The following BRINP1 variants were observed in gnomAD, a reference collection of about 807,000 sequenced individuals.
BRINP1 encodes the protein BMP/retinoic acid-inducible neural-specific protein 1.
A neutral mutation model predicts 72.9 loss-of-function variants in BRINP1; 17 were observed. That is an observed-to-expected ratio of 0.23 (90% CI 0.16 to 0.35). The LOEUF (loss-of-function observed/expected upper bound fraction) is 0.35. Among genes scored for constraint, BRINP1 ranks in the 10% least tolerant of loss-of-function variants. BRINP1 has a pLI of 1.00. For missense variants in BRINP1, 850 were observed against 1,001.6 expected (o/e 0.85, Z 2.04); for synonymous variants, 418 against 378.5 (o/e 1.10, Z -1.21).
chr9:119,278,348 C>T (rs533778280), intron 2 of BRINP1, among the ~76,000 whole-genome samples: 13 of 152,204 alleles, frequency 8.5e-5, no homozygotes, highest in Non-Finnish European at 1.6e-4. Context: ...TGAACCATTC[C>T]CTACACAGTC....
chr9:119,274,848 G>T (rs914650), intron 2 of BRINP1, among the ~76,000 whole-genome samples: 28,370 of 151,854 alleles, frequency 0.19, 3,120 homozygotes, highest in South Asian at 0.28. Context: ...TCTAATTAAG[G>T]TATAGATATA....
chr9:119,302,978 T>C (rs1830954753), intron 2 of BRINP1, among the ~76,000 whole-genome samples: 1 of 152,142 alleles, frequency 6.6e-6, no homozygotes, highest in African/African-American at 2.4e-5. Context: ...TGCATACACA[T>C]TAGTAGAGAC....
chr9:119,257,642 G>C (rs1310881948), intron 2 of BRINP1, among the ~76,000 whole-genome samples: 1 of 152,172 alleles, frequency 6.6e-6, no homozygotes, highest in Admixed American at 6.5e-5. Flanking sequence ...CTCTGGGACA[G>C]CTTCTGCTAT....
At position 119,296,993 on chromosome 9, in the gene BRINP1, G is replaced by T. The variant is rs183755040; in HGVS notation, c.218+16145C>A. Among the ~76,000 whole-genome samples, 5 of 152,214 alleles carry T rather than the reference G, an allele frequency of 3.3e-5. No individual in the cohort carries two copies. The East Asian group carries it at 7.7e-4, about 24-fold the overall frequency. ...ATGCTATATTATATTCTTGAAATTT[G>T]CTAAGAGAATAATCTTAAGTGTTCT... On this transcript the variant is annotated intron_variant, in intron 2 of 7. Coordinates refer to ENST00000265922, the MANE Select transcript of BRINP1 (RefSeq NM_014618.3).
chr9:119,336,698 C>T (rs540592314), intron 1 of BRINP1, among the ~76,000 whole-genome samples: 1 of 152,106 alleles, frequency 6.6e-6, no homozygotes, highest in Non-Finnish European at 1.5e-5. Context: ...CTGGTCTGCT[C>T]TCAGCAGGTC....
intron 5 of BRINP1, among the ~76,000 whole-genome samples, chr9:119,222,492 C>G (rs191483954): frequency 4.6e-5 from 7 of 152,142 alleles, no homozygotes; most frequent in Admixed American, 4.6e-4. Flanking sequence ...AGATGACCAT[C>G]AAGATTTTTT....
At chr9:119,237,603 C>T (rs1051151315) in intron 5 of BRINP1, among the ~76,000 whole-genome samples, 1 of 151,886 alleles carries the variant, frequency 6.6e-6, no homozygotes, top group Non-Finnish European at 1.5e-5. Flanking sequence ...ACCTCGTGAT[C>T]CGCCCGCCTC....
chr9:119,262,769 T>C (rs1051981146), intron 2 of BRINP1, among the ~76,000 whole-genome samples: 2 of 151,924 alleles, frequency 1.3e-5, no homozygotes, highest in African/African-American at 4.8e-5. Context: ...AGACAAGTAA[T>C]GATTCCTCTT....
intron 1 of BRINP1, among the ~76,000 whole-genome samples, chr9:119,338,383 T>C (rs951344141): frequency 3.3e-5 from 5 of 151,924 alleles, no homozygotes; most frequent in African/African-American, 1.2e-4. Context: ...ATATCTCTTG[T>C]CTACTCTTAA....
At chr9:119,281,696 C>G (rs2118962822) in intron 2 of BRINP1, among the ~76,000 whole-genome samples, 1 of 152,138 alleles carries the variant, frequency 6.6e-6, no homozygotes, top group East Asian at 1.9e-4. Context: ...ATAAATCTAG[C>G]ATTTATGCAT....
chr9:119,284,250 C>T (rs1419173878), intron 2 of BRINP1, among the ~76,000 whole-genome samples: 2 of 152,284 alleles, frequency 1.3e-5, no homozygotes, highest in East Asian at 3.9e-4. Flanking sequence ...TTTACAAATT[C>T]CATACTATCC....
At position 119,175,111 on chromosome 9, in the gene BRINP1, G is replaced by A. The variant is rs193188012; in HGVS notation, c.1146-6887C>T. Among the ~76,000 whole-genome samples, 217 of 53,652 alleles carry A rather than the reference G, an allele frequency of 4.0e-3. 6 individuals carry two copies. The East Asian group carries it at 0.11, about 28-fold the overall frequency. 35.2% of individuals were successfully genotyped at this position (53,652 alleles called of 152,430 possible). On this transcript the variant is annotated intron_variant, in intron 7 of 7. Coordinates refer to ENST00000265922, the MANE Select transcript of BRINP1 (RefSeq NM_014618.3). ...GTGCACATGTACCCTAAAACTTAAA[G>A]TAAAGTATAAAAAAAAAAAAAGACA...
Position 119,369,307 on chromosome 9 carries a change from G to A in BRINP1, c.-302C>T, listed in dbSNP as rs1831730235. 2 of 398,588 alleles carry A rather than the reference G, an allele frequency of 5.0e-6. No individual in the cohort carries two copies. The highest frequency in any genetic ancestry group is 4.1e-5 in the African/African-American group (2 of 48,636). 24.7% of individuals were successfully genotyped at this position (398,588 alleles called of 1,614,324 possible). ...ACTCCCTCTGCCTCCCGGCTCTCTCGCTCTCGCTCTCGCTGTTGCTCGCTC... is the reference window on the plus strand; with the variant it reads ...ACTCCCTCTGCCTCCCGGCTCTCTCACTCTCGCTCTCGCTGTTGCTCGCTC... On this transcript the variant is annotated 5_prime_UTR_variant, in exon 1 of 8. Coordinates refer to ENST00000265922, the MANE Select transcript of BRINP1 (RefSeq NM_014618.3).
intron 7 of BRINP1, among the ~76,000 whole-genome samples, chr9:119,198,574 C>G (rs1554746925): frequency 5.3e-5 from 8 of 152,108 alleles, no homozygotes; most frequent in Non-Finnish European, 2.9e-5. Flanking sequence ...TTTTACCCAA[C>G]AGAAACATCC....
intron 1 of BRINP1, among the ~76,000 whole-genome samples, chr9:119,317,055 C>T (rs1831132200): frequency 6.7e-6 from 1 of 149,916 alleles, no homozygotes; most frequent in South Asian, 2.1e-4. Flanking sequence ...CGCACCACTG[C>T]ACTCCAGCCT....
At chr9:119,177,318 T>G (rs1296843586) in intron 7 of BRINP1, among the ~76,000 whole-genome samples, 1 of 152,070 alleles carries the variant, frequency 6.6e-6, no homozygotes. Flanking sequence ...GGCCCAGCCT[T>G]CAGGAAACGG....
At chr9:119,265,010 C>A (rs983220021) in intron 2 of BRINP1, among the ~76,000 whole-genome samples, 4 of 152,156 alleles carry the variant, frequency 2.6e-5, no homozygotes, top group Non-Finnish European at 1.5e-5. Flanking sequence ...ACTGTCTGTC[C>A]TGTCTCCTGT....
At chr9:119,255,875 A>T (rs1830441089) in intron 2 of BRINP1, among the ~76,000 whole-genome samples, 1 of 139,208 alleles carries the variant, frequency 7.2e-6, no homozygotes, top group Non-Finnish European at 1.5e-5. Flanking sequence ...GAATCTCTTG[A>T]ACCCGGGAGG....
chr9:119,360,532 T>C (rs1325989618), intron 1 of BRINP1, among the ~76,000 whole-genome samples: 2 of 152,198 alleles, frequency 1.3e-5, no homozygotes, highest in Non-Finnish European at 2.9e-5. Flanking sequence ...CTGGGGACTC[T>C]AGGAATTCCA....
Sources: allele counts gnomAD v4.1 joint callset (sites outside exome capture counted in the v4.1 genomes callset), GRCh38; gene constraint gnomAD v4.1.1; transcripts MANE v1.5; gene names NCBI Gene and HGNC (gene_info 2026-07-23, HGNC 2026-07-21).